Variants in RASSF5 observed in about 807,000 individuals in gnomAD.
RASSF5 encodes the protein ras association domain-containing protein 5.
Under a neutral mutation model 40.5 loss-of-function variants are expected in RASSF5, and 25 were observed. That is an observed-to-expected ratio of 0.62 (90% CI 0.45 to 0.86). The LOEUF is 0.86. Among genes scored for constraint, RASSF5 ranks in the 40% least tolerant of loss-of-function variants. RASSF5 has a pLI of 0.00. For missense variants in RASSF5, 521 were observed against 572.8 expected, an observed-to-expected ratio of 0.91 and a Z score of 0.92; for synonymous variants, 246 against 252.4, an observed-to-expected ratio of 0.97 and a Z score of 0.24.
At chr1:206,564,952 CT>C (rs1430745327) in intron 2 of RASSF5, among the ~76,000 whole-genome samples, 1 of 152,170 alleles carries the variant, frequency 6.6e-6, no homozygotes, top group Non-Finnish European at 1.5e-5. Flanking sequence ...CTCATCTCCC[CT>C]CTTCTCCCAC....
chr1:206,512,818 G>A (rs868957674), intron 1 of RASSF5, among the ~76,000 whole-genome samples: 1 of 152,232 alleles, frequency 6.6e-6, no homozygotes, highest in African/African-American at 2.4e-5. Flanking sequence ...CTGAGAATGG[G>A]CATAAGAAGA....
chr1:206,558,955 C>T (rs925223859), intron 2 of RASSF5, among the ~76,000 whole-genome samples: 28 of 152,086 alleles, frequency 1.8e-4, no homozygotes, highest in African/African-American at 5.8e-4. Flanking sequence ...GGGTTCTTGC[C>T]GCGTGGTATA....
At chr1:206,515,670 A>G (rs1047183848) in intron 1 of RASSF5, among the ~76,000 whole-genome samples, 1 of 152,170 alleles carries the variant, frequency 6.6e-6, no homozygotes, top group Non-Finnish European at 1.5e-5. Flanking sequence ...ATGAGAAAAA[A>G]TACATCTGGG....
In RASSF5 at chr1:206,579,844, C is replaced by CGTGGCT. The variant is rs60052829; in HGVS notation, c.580-3417_580-3412dup. 5.4e-3 allele frequency among the ~76,000 whole-genome samples: 821 copies of CGTGGCT among 152,280 alleles called. 10 individuals are homozygous for CGTGGCT. Among genetic ancestry groups the CGTGGCT allele is most frequent in the African/African-American group, 0.018 (769 of 41,570 alleles). On this transcript the variant is annotated intron_variant, in intron 2 of 5. Transcript: ENST00000579436. The surrounding 1 kb of genome is among the most constrained non-coding windows in gnomAD (Gnocchi z 4.2). ...GGTGGAAAAAGGATCCGTGAGCCCT[C>CGTGGCT]GTGGCTGTGGCTGGCTGGCCTAATT...
At chr1:206,510,284 A>G (rs1666582740) in intron 1 of RASSF5, among the ~76,000 whole-genome samples, 2 of 152,200 alleles carry the variant, frequency 1.3e-5, no homozygotes, top group Non-Finnish European at 2.9e-5. Flanking sequence ...GCAGTAGTTA[A>G]GAGTACAGAC....
intron 2 of RASSF5, chr1:206,557,246 G>A: frequency 8.9e-7 from 1 of 1,119,636 alleles, no homozygotes. Flanking sequence ...GGCGGAGGGA[G>A]GGCGCTGGCG....
At position 206,583,281 on chromosome 1, in the gene RASSF5, C is replaced by A. The variant is rs1668967138; in HGVS notation, c.592C>A (p.Pro198Thr). 1 of 1,610,620 alleles carries A rather than the reference C, an allele frequency of 6.2e-7. No homozygotes were observed. The highest frequency in any genetic ancestry group is 1.1e-5 in the South Asian group (1 of 91,032). The change falls in exon 3 of 6, where the codon CCT becomes ACT. Residue 198 changes from proline (P) to threonine (T), a missense_variant. Pro to Thr is a conservative substitution (Grantham distance 38). Transcript: ENST00000579436. ...TVTFSQNVCK[P>T]VEETQRPPTL... ...GTGTCTCTTCCAGAATGTCTGTAAA[C>A]CTGTGGAGGAGACACAGCGCCCGCC...
chr1:206,575,992 C>A (rs1668634541), intron 2 of RASSF5, among the ~76,000 whole-genome samples: 1 of 152,150 alleles, frequency 6.6e-6, no homozygotes, highest in Admixed American at 6.5e-5. Flanking sequence ...CTTGCCCTCC[C>A]CTGCCACCCA....
intron 1 of RASSF5, among the ~76,000 whole-genome samples, chr1:206,511,651 C>G (rs1159200560): frequency 6.6e-6 from 1 of 152,170 alleles, no homozygotes; most frequent in East Asian, 1.9e-4. Flanking sequence ...GCCAACTAAC[C>G]TCCCCACTCT....
In RASSF5 at chr1:206,557,549, G is replaced by T. The variant is rs199814122; in HGVS notation, c.579+19256G>T. 750 of 1,612,788 alleles carry T rather than the reference G, an allele frequency of 4.7e-4. 18 individuals carry two copies. The South Asian group carries it at 7.8e-3, about 17-fold the overall frequency. On this transcript the variant is annotated intron_variant, in intron 2 of 5. Coordinates refer to ENST00000579436, the MANE Select transcript of RASSF5 (RefSeq NM_182663.4). ...GCCCGGCCCCCTTGATGCGCTGGCGGCCTCGGCCGGGAACTCCGGGGTAGA... is the reference window on the plus strand; with the variant it reads ...GCCCGGCCCCCTTGATGCGCTGGCGTCCTCGGCCGGGAACTCCGGGGTAGA...
intron 1 of RASSF5, among the ~76,000 whole-genome samples, chr1:206,536,208 G>A (rs1471506916): frequency 1.3e-5 from 2 of 152,294 alleles, no homozygotes; most frequent in African/African-American, 4.8e-5. Context: ...AATGCATGTG[G>A]GTGCCTGCAG....
chr1:206,525,717 G>A (rs1484222004), intron 1 of RASSF5, among the ~76,000 whole-genome samples: 1 of 152,240 alleles, frequency 6.6e-6, no homozygotes, highest in Non-Finnish European at 1.5e-5. Flanking sequence ...CTCCCACAGT[G>A]CTGGGATTAC....
At chr1:206,525,259 C>T (rs1158106537) in intron 1 of RASSF5, among the ~76,000 whole-genome samples, 1 of 152,130 alleles carries the variant, frequency 6.6e-6, no homozygotes, top group African/African-American at 2.4e-5. Flanking sequence ...GGATGGTGCC[C>T]CTGCAGGCCA....
At chr1:206,516,534 G>A (rs1054264937) in intron 1 of RASSF5, among the ~76,000 whole-genome samples, 4 of 151,894 alleles carry the variant, frequency 2.6e-5, no homozygotes, top group African/African-American at 9.7e-5. Flanking sequence ...TCGGCTGACC[G>A]CAACCTCTGC....
chr1:206,508,322 C>CCACACACACACACACACACA (rs368124193), intron 1 of RASSF5, among the ~76,000 whole-genome samples: 1 of 146,516 alleles, frequency 6.8e-6, no homozygotes, highest in African/African-American at 2.5e-5. Flanking sequence ...CCTTGGCCCT[C>CCACACACACACACACACACA]CACACACACA....
At chr1:206,556,880 G>T (rs952502551) in intron 2 of RASSF5, among the ~76,000 whole-genome samples, 1 of 152,172 alleles carries the variant, frequency 6.6e-6, no homozygotes, top group African/African-American at 2.4e-5. Context: ...GAGGGATGGT[G>T]TTGCCCTTAT....
At chr1:206,575,008 C>T (rs186078195) in intron 2 of RASSF5, among the ~76,000 whole-genome samples, 1,760 of 148,588 alleles carry the variant, frequency 0.012, 39 homozygotes, top group African/African-American at 0.041. Flanking sequence ...TACAGGCGCA[C>T]GGATAATTTT....
At position 206,531,204 on chromosome 1, in the gene RASSF5, G is replaced by A. The variant is rs539400338; in HGVS notation, c.458-6968G>A. On this transcript the variant is annotated intron_variant, in intron 1 of 5. Transcript: ENST00000579436. This position sits in a 1 kb window ranked among gnomAD's most constrained non-coding sequence, Gnocchi z 4.7. Reference sequence around the variant, plus strand: ...CTCTCCACTTCAACAAAGGGCAGCAGAGAAGCATTCCTTCCTTTAGTCACT... The same window carrying A: ...CTCTCCACTTCAACAAAGGGCAGCAAAGAAGCATTCCTTCCTTTAGTCACT... 1.6e-4 allele frequency among the ~76,000 whole-genome samples: 25 copies of A among 152,350 alleles called. 1 individual carries two copies. The South Asian group carries it at 4.6e-3, about 28-fold the overall frequency.
At chr1:206,519,581 T>G (rs1259082589) in intron 1 of RASSF5, among the ~76,000 whole-genome samples, 1 of 152,288 alleles carries the variant, frequency 6.6e-6, no homozygotes, top group South Asian at 2.1e-4. Context: ...TTGGCACTCT[T>G]TGGAGCATAC....
Sources: gnomAD v4.1 joint callset for allele counts (sites outside exome capture counted in the v4.1 genomes callset) on GRCh38, gnomAD v4.1.1 for gene constraint, Gnocchi (gnomAD v3.1) non-coding constraint, MANE v1.5 for transcripts, NCBI Gene and HGNC (gene_info 2026-07-23, HGNC 2026-07-21) for gene names.